The following TFB1M variants were observed in gnomAD, a reference collection of about 807,000 sequenced individuals.
The protein encoded by TFB1M is transcription factor B1, mitochondrial.
In TFB1M, 27 loss-of-function variants were observed where a neutral mutation model predicts 31.1. The observed-to-expected ratio is 0.87, with a 90% CI of 0.64 to 1.20. The LOEUF (loss-of-function observed/expected upper bound fraction) is 1.20, where lower values mean the gene tolerates loss of function less well. Ranked by LOEUF, TFB1M falls within the 50% of genes most tolerant of loss-of-function variation. The pLI is 0.00. For missense variants in TFB1M, 394 were observed against 418.7 expected (o/e 0.94, Z 0.51); for synonymous variants, 166 against 151.8 (o/e 1.09, Z -0.69).
chr6:155,268,819 C>T (rs565593668), intron 5 of TFB1M, among the ~76,000 whole-genome samples: 67 of 150,554 alleles, frequency 4.5e-4, no homozygotes, highest in Non-Finnish European at 7.7e-4. Context: ...TGCGGAAGGC[C>T]GCAGGGTCCT....
rs765326646 is a variant in TFB1M, at chr6:155,276,210, T to C, written c.666+8948A>G. 23 of 1,614,152 alleles carry C rather than the reference T, an allele frequency of 1.4e-5. No homozygotes were observed. The highest frequency in any genetic ancestry group is 1.9e-5 in the Non-Finnish European group (23 of 1,180,020). Reference sequence around the variant, plus strand: ...AACAAACATGAACCTGGAGGAGCTATCTATATCGGATTCATTTCTGCAATG... The same window carrying C: ...AACAAACATGAACCTGGAGGAGCTACCTATATCGGATTCATTTCTGCAATG... On this transcript the variant is annotated intron_variant, in intron 5 of 6. Coordinates refer to ENST00000367166, the MANE Select transcript of TFB1M (RefSeq NM_016020.4).
chr6:155,254,310 T>A, downstream of TFB1M: 1 of 1,446,150 alleles, frequency 6.9e-7, no homozygotes, highest in Admixed American at 2.0e-5. Context: ...GGTGGCTGGC[T>A]GGCAGCCTGG....
At chr6:155,278,232 C>T (rs1191790006) in intron 5 of TFB1M, among the ~76,000 whole-genome samples, 4 of 152,184 alleles carry the variant, frequency 2.6e-5, no homozygotes, top group East Asian at 3.9e-4. Flanking sequence ...AGGATTCACA[C>T]GGACCTCTCC....
At chr6:155,302,281 C>A (rs1777464020) in intron 2 of TFB1M, among the ~76,000 whole-genome samples, 2 of 152,086 alleles carry the variant, frequency 1.3e-5, no homozygotes, top group Admixed American at 6.5e-5. Flanking sequence ...CATAGTAGGG[C>A]CCAAATGCTG....
downstream of TFB1M, chr6:155,254,370 C>G: frequency 6.3e-7 from 1 of 1,593,238 alleles, no homozygotes; most frequent in Non-Finnish European, 8.6e-7. Context: ...AATGGAAGCA[C>G]GATGAACACT....
In TFB1M at chr6:155,256,228, G is replaced by A; in HGVS notation, c.*1608C>T. 1.7e-6 allele frequency: 1 copy of A among 596,900 alleles called. No homozygotes were observed. Among genetic ancestry groups the A allele is most frequent in the Non-Finnish European group, 2.9e-6 (1 of 340,310 alleles). The allele number at this position is 596,900 out of a possible 1,614,324, so 37.0% of individuals were successfully genotyped here. ...CTTAGCCCATGTAGTAGTTTCTAGT[G>A]TCTAGTTCTATTTACATAATTGAGC... is the stretch of plus-strand genomic sequence containing the variant. On this transcript the variant is annotated 3_prime_UTR_variant, in exon 7 of 7. Transcript: ENST00000367166.
rs749331116 is a variant in TFB1M, at chr6:155,314,442, C to A, written c.-14G>T. 1.1e-5 allele frequency: 18 copies of A among 1,613,958 alleles called. No individual in the cohort carries two copies. The highest frequency in any genetic ancestry group is 1.7e-4 in the Middle Eastern group (1 of 6,020). Reference sequence around the variant, plus strand: ...GGAGGCAGCCATGATACGCGGCAAGCACCATCCAACCCTACCTCACCCAGG... The same window carrying A: ...GGAGGCAGCCATGATACGCGGCAAGAACCATCCAACCCTACCTCACCCAGG... On this transcript the variant is annotated 5_prime_UTR_variant, in exon 1 of 7. Transcript: ENST00000367166.
At chr6:155,312,202 T>C (rs1778044630) in intron 1 of TFB1M, among the ~76,000 whole-genome samples, 1 of 152,204 alleles carries the variant, frequency 6.6e-6, no homozygotes, top group African/African-American at 2.4e-5. Context: ...TATTTTTGCT[T>C]GTTTTCAACA....
the TFB1M span, among the ~76,000 whole-genome samples, chr6:155,239,378 G>A: frequency 1.2e-4 from 18 of 152,302 alleles, no homozygotes; most frequent in South Asian, 4.1e-4. Context: ...GGCTGCTGGC[G>A]GAGATGTGAA....
At chr6:155,271,439 A>G (rs1287167184) in intron 5 of TFB1M, among the ~76,000 whole-genome samples, 1 of 152,210 alleles carries the variant, frequency 6.6e-6, no homozygotes, top group Non-Finnish European at 1.5e-5. Flanking sequence ...TCTAAGTGGA[A>G]GCAATAACAA....
chr6:155,287,928 T>A (rs949531348), intron 4 of TFB1M, among the ~76,000 whole-genome samples: 1 of 152,094 alleles, frequency 6.6e-6, no homozygotes, highest in East Asian at 1.9e-4. Flanking sequence ...TGGGGCTAGG[T>A]AGGCAGGCAG....
chr6:155,260,704 AAGTC>A, intron 5 of TFB1M: 2 of 419,650 alleles, frequency 4.8e-6, no homozygotes, highest in South Asian at 4.2e-5. Context: ...CAAATCATTA[AAGTC>A]AGTCAGCAGA....
chr6:155,299,762 T>C (rs76018094), intron 2 of TFB1M, among the ~76,000 whole-genome samples: 7,626 of 152,142 alleles, frequency 0.05, 264 homozygotes, highest in East Asian at 0.18. Flanking sequence ...CTAACACCTC[T>C]CCTTGCCCAA....
At chr6:155,276,343 G>C (rs1380225228) in intron 5 of TFB1M, 6 of 1,613,154 alleles carry the variant, frequency 3.7e-6, no homozygotes, top group Non-Finnish European at 5.1e-6. Context: ...CACAGCTCGA[G>C]AACAATTCCA....
chr6:155,254,732 C>T (rs374751948), downstream of TFB1M: 59 of 923,542 alleles, frequency 6.4e-5, no homozygotes, highest in East Asian at 4.8e-4. Flanking sequence ...TGCTCCCAGA[C>T]GTTCTACTGT....
chr6:155,285,402 G>A, intron 4 of TFB1M, 125 bp from the exon 5 acceptor site: 1 of 1,029,444 alleles, frequency 9.7e-7, no homozygotes, highest in African/African-American at 1.6e-5. Context: ...AAAAGAATGG[G>A]CTATCTGACA....
At chr6:155,247,100 G>A in the TFB1M span, among the ~76,000 whole-genome samples, 1 of 152,228 alleles carries the variant, frequency 6.6e-6, no homozygotes, top group Non-Finnish European at 1.5e-5. Flanking sequence ...GTATGCGAAA[G>A]GTGAATCTGC....
At chr6:155,303,158 A>G (rs1457676407) in intron 2 of TFB1M, 1 of 152,212 alleles carries the variant, frequency 6.6e-6, no homozygotes, top group Admixed American at 6.5e-5. Context: ...ATCATTATAC[A>G]TTGTACACAA....
intron 5 of TFB1M, chr6:155,276,540 A>G: frequency 1.6e-6 from 1 of 629,814 alleles, no homozygotes. Flanking sequence ...AAACTATCAT[A>G]TACAATTACA....
Sources: gnomAD v4.1 joint callset for allele counts (sites outside exome capture counted in the v4.1 genomes callset) on GRCh38, gnomAD v4.1.1 for gene constraint, MANE v1.5 for transcripts, NCBI Gene and HGNC (gene_info 2026-07-23, HGNC 2026-07-21) for gene names.